NRXN3: variants seen among roughly 807,000 people sequenced by gnomAD.
NRXN3 encodes the protein neurexin III.
In NRXN3, 32 loss-of-function variants were observed where a neutral mutation model predicts 137.6. The observed-to-expected ratio is 0.23, with a 90% confidence interval of 0.18 to 0.31. The LOEUF (loss-of-function observed/expected upper bound fraction) is 0.31. Among genes scored for constraint, NRXN3 ranks in the 10% least tolerant of loss-of-function variants. NRXN3 has a pLI of 1.00. For synonymous variants in NRXN3, 798 were observed against 784.5 expected (o/e 1.02, Z -0.29); for missense variants, 1,574 against 2,062.5 (o/e 0.76, Z 4.59).
intron 11 of NRXN3, among the ~76,000 whole-genome samples, chr14:78,964,977 C>A (rs954133232): frequency 6.6e-6 from 1 of 151,922 alleles, no homozygotes; most frequent in African/African-American, 2.4e-5. Context: ...TTGAAAAAGC[C>A]GGGAGGTGCC....
intron 15 of NRXN3, among the ~76,000 whole-genome samples, chr14:79,352,880 C>T (rs1024373611): frequency 6.6e-6 from 1 of 152,106 alleles, no homozygotes; most frequent in Non-Finnish European, 1.5e-5. Context: ...AATTTGATTT[C>T]AGAGTCTACG....
intron 16 of NRXN3, among the ~76,000 whole-genome samples, chr14:79,642,083 A>G (rs1239126386): frequency 7.4e-6 from 1 of 135,560 alleles, no homozygotes; most frequent in Non-Finnish European, 1.7e-5. Flanking sequence ...ATCACACAAT[A>G]TTGTGGACAA....
At chr14:78,481,345 A>G (rs1599242475) in intron 4 of NRXN3, among the ~76,000 whole-genome samples, 1 of 152,180 alleles carries the variant, frequency 6.6e-6, no homozygotes, top group South Asian at 2.1e-4. Context: ...AGGGGCTAGG[A>G]TAGGATTATT....
chr14:79,048,813 A>G (rs528607849), intron 15 of NRXN3, among the ~76,000 whole-genome samples: 1 of 150,236 alleles, frequency 6.7e-6, no homozygotes, highest in Non-Finnish European at 1.5e-5. Context: ...TCACGAGGTC[A>G]GGAGATCGAG....
intron 8 of NRXN3, among the ~76,000 whole-genome samples, chr14:78,791,466 C>G (rs1333032824): frequency 6.6e-6 from 1 of 152,162 alleles, no homozygotes; most frequent in East Asian, 1.9e-4. Flanking sequence ...GCCTGCTAGC[C>G]CCACCTATGT....
intron 4 of NRXN3, among the ~76,000 whole-genome samples, chr14:78,354,516 G>A (rs78532859): frequency 0.036 from 5,440 of 152,232 alleles, 129 homozygotes; most frequent in South Asian, 0.084. Context: ...CGCTCCCCAT[G>A]CAGCTGAATG....
At chr14:79,658,815 G>A (rs1011037098) in intron 16 of NRXN3, among the ~76,000 whole-genome samples, 2 of 152,132 alleles carry the variant, frequency 1.3e-5, no homozygotes, top group Non-Finnish European at 2.9e-5. Context: ...AAGACACTGA[G>A]ACCTGCTTCC....
chr14:78,420,434 A>G (rs1040471023), intron 4 of NRXN3, among the ~76,000 whole-genome samples: 3 of 152,160 alleles, frequency 2.0e-5, no homozygotes, highest in Non-Finnish European at 2.9e-5. Flanking sequence ...GAGGGATGCA[A>G]TAAAATTTAT....
chr14:78,841,489 G>C (rs2099012400), intron 10 of NRXN3, among the ~76,000 whole-genome samples: 1 of 152,020 alleles, frequency 6.6e-6, no homozygotes, highest in East Asian at 1.9e-4. Flanking sequence ...CCACTGTCTG[G>C]AAAGGCTTGT....
At chr14:78,990,529 G>A (rs2099516730) in intron 15 of NRXN3, among the ~76,000 whole-genome samples, 1 of 151,804 alleles carries the variant, frequency 6.6e-6, no homozygotes, top group South Asian at 2.1e-4. Flanking sequence ...CTGCCACTAC[G>A]CTCAGCTAAT....
chr14:79,531,257 A>C (rs1357537098), intron 16 of NRXN3, among the ~76,000 whole-genome samples: 1 of 152,184 alleles, frequency 6.6e-6, no homozygotes, highest in African/African-American at 2.4e-5. Flanking sequence ...TGTGATCTCT[A>C]AGAAGTCTAG....
intron 3 of NRXN3, among the ~76,000 whole-genome samples, chr14:78,290,543 G>A (rs2075699450): frequency 6.6e-6 from 1 of 152,096 alleles, no homozygotes; most frequent in Admixed American, 6.5e-5. Context: ...GAGGTGGGAG[G>A]TTCACTTGAG....
chr14:79,811,584 T>TC (rs1379202307), intron 20 of NRXN3, among the ~76,000 whole-genome samples: 1 of 137,570 alleles, frequency 7.3e-6, no homozygotes, highest in African/African-American at 2.9e-5. Flanking sequence ...CTTTTTTCTT[T>TC]TTTTTTTTTT....
At chr14:78,663,098 G>A (rs1288507230) in intron 6 of NRXN3, among the ~76,000 whole-genome samples, 2 of 152,174 alleles carry the variant, frequency 1.3e-5, no homozygotes, top group East Asian at 1.9e-4. Flanking sequence ...TAAAGAGAGC[G>A]AGTGTCTTTC....
intron 2 of NRXN3, among the ~76,000 whole-genome samples, chr14:78,268,401 C>G (rs546243022): frequency 6.6e-6 from 1 of 152,264 alleles, no homozygotes; most frequent in Non-Finnish European, 1.5e-5. Context: ...TGAAATATGG[C>G]TCCTGAGATC....
chr14:78,915,367 A>AAAAAAAAAAAAC (rs1483997104), intron 10 of NRXN3, among the ~76,000 whole-genome samples: 1 of 148,518 alleles, frequency 6.7e-6, no homozygotes, highest in Non-Finnish European at 1.5e-5. Context: ...AAAAAAAAAA[A>AAAAAAAAAAAAC]AAAAACCACA....
chr14:78,787,208 A>G (rs567519709), intron 8 of NRXN3, among the ~76,000 whole-genome samples: 1 of 152,314 alleles, frequency 6.6e-6, no homozygotes, highest in African/African-American at 2.4e-5. Flanking sequence ...GAACTGGCAC[A>G]TTGTGAAACA....
intron 4 of NRXN3, among the ~76,000 whole-genome samples, chr14:78,330,350 C>A (rs1361917964): frequency 4.6e-5 from 7 of 151,908 alleles, no homozygotes; most frequent in Non-Finnish European, 5.9e-5. Context: ...ATTCTCTTTC[C>A]TGTTCTCTCC....
intron 19 of NRXN3, among the ~76,000 whole-genome samples, chr14:79,769,381 G>C (rs879054098): frequency 6.6e-6 from 1 of 151,792 alleles, no homozygotes; most frequent in Non-Finnish European, 1.5e-5. Flanking sequence ...GAGAAAGGTC[G>C]GGTTACCCTC....
Sources: allele counts gnomAD v4.1 joint callset (sites outside exome capture counted in the v4.1 genomes callset), GRCh38; gene constraint gnomAD v4.1.1; transcripts MANE v1.5; gene names NCBI Gene and HGNC (gene_info 2026-07-23, HGNC 2026-07-21).